The following IGF2R variants were observed in gnomAD, a reference collection of about 807,000 sequenced individuals.
The protein encoded by IGF2R is insulin like growth factor 2 receptor, also known as cation-independent mannose-6-phosphate receptor.
A neutral mutation model predicts 270.6 loss-of-function variants in IGF2R; 91 were observed. The ratio of observed to expected loss-of-function variants is 0.34; its 90% CI spans 0.28 to 0.40. IGF2R has a LOEUF of 0.40. Among genes scored for constraint, IGF2R ranks in the 10% least tolerant of loss-of-function variants. IGF2R has a pLI of 1.00. For synonymous variants in IGF2R, 1,316 were observed against 1,258.9 expected, an observed-to-expected ratio of 1.05 and a Z score of -0.96; for missense variants, 2,805 against 3,188.3, an observed-to-expected ratio of 0.88 and a Z score of 2.90.
intron 1 of IGF2R, among the ~76,000 whole-genome samples, chr6:159,981,945 G>A (rs1783810666): frequency 6.6e-6 from 1 of 152,166 alleles, no homozygotes; most frequent in Admixed American, 6.5e-5. Context: ...GCATTTCCCT[G>A]CTTCTATTTA....
At position 160,026,760 on chromosome 6, in the gene IGF2R, C is replaced by T. The variant is rs564843325; in HGVS notation, c.647-425C>T. 4.6e-5 allele frequency among the ~76,000 whole-genome samples: 7 copies of T among 152,344 alleles called. No individual in the cohort carries two copies. The East Asian group carries it at 7.7e-4, about 17-fold the overall frequency. On this transcript the variant is annotated intron_variant, in intron 5 of 47. Transcript: ENST00000356956. Reference sequence around the variant, plus strand: ...TTGGATAGTTTTGTAGTTAGACCAACGTTATCGACATAGTAAGTGGTCGAT... The same window carrying T: ...TTGGATAGTTTTGTAGTTAGACCAATGTTATCGACATAGTAAGTGGTCGAT...
intron 31 of IGF2R, 30 bp from the exon 32 acceptor site, chr6:160,071,880 C>A: frequency 6.2e-7 from 1 of 1,604,884 alleles, no homozygotes; most frequent in Non-Finnish European, 8.5e-7. Flanking sequence ...TTGCGTGATC[C>A]CTTCAGGACC....
chr6:160,103,899 C>A, intron 47 of IGF2R, 84 bp downstream of exon 47: 1 of 909,084 alleles, frequency 1.1e-6, no homozygotes, highest in Non-Finnish European at 1.8e-6. Flanking sequence ...ATCAGGGGTG[C>A]CAAGGAAAGC....
rs139474833 is a variant in IGF2R, at chr6:160,027,254, G to A, written c.716G>A (p.Gly239Glu). Residue 239 changes from glycine (G) to glutamate (E), a missense_variant, in exon 6 of 48, where the codon GGA becomes GAA. Gly to Glu is a moderately conservative substitution (Grantham distance 98, BLOSUM62 -2). Transcript: ENST00000356956. ...GGCACTGCCGCCTGCCTGGTAAGAG[G>A]ACACCAGGCGTTTGATGTTGGCCAG... ...PPGTAACLVR[G>E]HQAFDVGQPR... The A allele has an allele frequency of 1.8e-4, 285 of 1,614,166 alleles. 7 individuals carry two copies. The East Asian group carries it at 2.0e-3, about 11-fold the overall frequency.
At chr6:160,026,428 A>C (rs923475788) in intron 5 of IGF2R, among the ~76,000 whole-genome samples, 4 of 152,182 alleles carry the variant, frequency 2.6e-5, no homozygotes, top group Non-Finnish European at 2.9e-5. Context: ...GGGTTGTTTG[A>C]ATCCCTTCTG....
intron 19 of IGF2R, among the ~76,000 whole-genome samples, chr6:160,051,122 G>A (rs1324726053): frequency 2.6e-5 from 4 of 152,174 alleles, no homozygotes; most frequent in African/African-American, 9.7e-5. Flanking sequence ...GGAATAAATA[G>A]CAGGAGAAAG....
chr6:160,018,046 A>G (rs1777345881), intron 4 of IGF2R, among the ~76,000 whole-genome samples: 1 of 152,228 alleles, frequency 6.6e-6, no homozygotes, highest in Non-Finnish European at 1.5e-5. Context: ...TGCTCCACAT[A>G]AAAGATACAG....
chr6:160,103,444 G>C (rs1779537718), intron 46 of IGF2R, among the ~76,000 whole-genome samples: 1 of 152,218 alleles, frequency 6.6e-6, no homozygotes, highest in African/African-American at 2.4e-5. Context: ...GGCAGGCTTA[G>C]TGGCGACGGA....
chr6:160,069,897 C>T lies in IGF2R; in HGVS notation c.4282C>T (p.Leu1428=), dbSNP rs145241865. 2 of 1,614,076 alleles carry T rather than the reference C, an allele frequency of 1.2e-6. No individual in the cohort carries two copies. Among genetic ancestry groups the T allele is most frequent in the African/African-American group, 2.7e-5 (2 of 74,934 alleles). ...GTGCCCTCCAGAAGCAGCCGCGTGT[C>T]TGCTGGGTGGCTCCAAGCCCGTGAA... The part of the protein sequence containing the change: ...EPCPPEAAAC[L]LGGSKPVNLG... The change falls in exon 31 of 48, where the codon CTG becomes TTG. Residue 1428 remains leucine, a synonymous_variant. Transcript: ENST00000356956.
intron 36 of IGF2R, among the ~76,000 whole-genome samples, chr6:160,076,680 A>G (rs188004134): frequency 6.6e-6 from 1 of 152,220 alleles, no homozygotes; most frequent in Admixed American, 6.5e-5. Flanking sequence ...ACACAGCACC[A>G]CAGCCTGTCG....
At chr6:160,101,625 C>G (rs547056816) in intron 45 of IGF2R, among the ~76,000 whole-genome samples, 2 of 152,240 alleles carry the variant, frequency 1.3e-5, no homozygotes, top group African/African-American at 4.8e-5. Context: ...GGGGTTGCCT[C>G]TTATCACCAG....
chr6:160,010,090 T>A (rs1170979022), intron 3 of IGF2R, among the ~76,000 whole-genome samples: 1 of 152,244 alleles, frequency 6.6e-6, no homozygotes, highest in African/African-American at 2.4e-5. Context: ...GAATTCTGTG[T>A]TCACCATACC....
chr6:160,061,994 C>T, intron 25 of IGF2R, 66 bp downstream of exon 25: 1 of 1,451,412 alleles, frequency 6.9e-7, no homozygotes, highest in Non-Finnish European at 9.6e-7. Context: ...TCCCTTGAAC[C>T]TCTGAATCTT....
intron 2 of IGF2R, chr6:160,005,170 C>G (rs1013424483): frequency 6.6e-6 from 1 of 152,282 alleles, no homozygotes; most frequent in African/African-American, 2.4e-5. Context: ...TGAAAAACAA[C>G]GAACAGCTTT....
intron 3 of IGF2R, 97 bp from the exon 4 acceptor site, chr6:160,010,590 T>G (rs1446948744): frequency 2.6e-6 from 2 of 769,604 alleles, no homozygotes; most frequent in Admixed American, 4.7e-5. Flanking sequence ...GCTGCTGCTT[T>G]CTTTATTTTA....
At chr6:159,980,242 A>AAGGAAGG (rs1554234715) in intron 1 of IGF2R, among the ~76,000 whole-genome samples, 1 of 145,050 alleles carries the variant, frequency 6.9e-6, no homozygotes, top group African/African-American at 2.6e-5. Context: ...AAAGAAAGGT[A>AAGGAAGG]CATGGAAGAT....
chr6:160,104,509 C>T (rs17847667), intron 47 of IGF2R, among the ~76,000 whole-genome samples, 165 bp from the exon 48 acceptor site: 1 of 152,012 alleles, frequency 6.6e-6, no homozygotes, highest in Non-Finnish European at 1.5e-5. Flanking sequence ...GTTGCCAGCC[C>T]TCGTCTTCCT....
rs773567926 is a variant in IGF2R, at chr6:160,033,120, C to T, written c.1211+13C>T. The T allele has an allele frequency of 6.2e-7, 1 of 1,600,280 alleles. No homozygotes were observed. The highest frequency in any genetic ancestry group is 2.2e-5 in the East Asian group (1 of 44,820). ...ATCAGACCCTCCGGTACGTCAACAACCTCTGTGCGATTTTCCTTTTTCTTT... is the reference window on the plus strand; with the variant it reads ...ATCAGACCCTCCGGTACGTCAACAATCTCTGTGCGATTTTCCTTTTTCTTT... On this transcript the variant is annotated intron_variant, in intron 9 of 47. Coordinates refer to ENST00000356956, the MANE Select transcript of IGF2R (RefSeq NM_000876.4).
intron 3 of IGF2R, 77 bp downstream of exon 3, chr6:160,009,211 A>T: frequency 1.5e-6 from 2 of 1,307,798 alleles, no homozygotes; most frequent in Non-Finnish European, 2.1e-6. Context: ...CTGTAGAGGT[A>T]TTCCAGGAAG....
Sources: gnomAD v4.1 joint callset for allele counts (sites outside exome capture counted in the v4.1 genomes callset) on GRCh38, gnomAD v4.1.1 for gene constraint, MANE v1.5 for transcripts, NCBI Gene and HGNC (gene_info 2026-07-23, HGNC 2026-07-21) for gene names.